VTCN1: variants seen among roughly 807,000 people sequenced by gnomAD.
VTCN1 encodes the protein V-set domain-containing T-cell activation inhibitor 1.
VTCN1 carries 26 observed loss-of-function variants against 26.5 expected under a neutral mutation model. That is an observed-to-expected ratio of 0.98 (90% confidence interval 0.72 to 1.36). VTCN1 has a LOEUF of 1.36. VTCN1 is among the 40% of genes most tolerant of loss of function. The pLI, the probability that VTCN1 is intolerant of heterozygous loss-of-function variation, is 0.00. For missense variants in VTCN1, 298 were observed against 337.7 expected, an observed-to-expected ratio of 0.88 and a Z score of 0.92; for synonymous variants, 116 against 130.7, an observed-to-expected ratio of 0.89 and a Z score of 0.77.
intron 1 of VTCN1, among the ~76,000 whole-genome samples, chr1:117,199,918 G>A (rs1648711622): frequency 6.6e-6 from 1 of 152,232 alleles, no homozygotes; most frequent in African/African-American, 2.4e-5. Context: ...ACAGGTTTGA[G>A]CCACCACGCC....
intron 1 of VTCN1, among the ~76,000 whole-genome samples, chr1:117,184,944 C>G (rs1199840831): frequency 6.6e-6 from 1 of 152,166 alleles, no homozygotes; most frequent in Non-Finnish European, 1.5e-5. Context: ...AGCCAGTTTT[C>G]CCTTAGTCTA....
intron 1 of VTCN1, among the ~76,000 whole-genome samples, chr1:117,190,518 C>T (rs1047804266): frequency 6.6e-6 from 1 of 152,238 alleles, no homozygotes; most frequent in Non-Finnish European, 1.5e-5. Context: ...GCCATACACA[C>T]ACCTGATAAC....
intron 1 of VTCN1, among the ~76,000 whole-genome samples, chr1:117,208,273 A>G (rs1026824368): frequency 6.6e-6 from 1 of 152,126 alleles, no homozygotes; most frequent in African/African-American, 2.4e-5. Context: ...ATTTGATTTA[A>G]TTCTGTTTCC....
intron 2 of VTCN1, among the ~76,000 whole-genome samples, chr1:117,163,831 T>C (rs1652484899): frequency 6.6e-6 from 1 of 152,106 alleles, no homozygotes; most frequent in East Asian, 1.9e-4. Flanking sequence ...ACAAAATAAG[T>C]GTAAGAAAGG....
chr1:117,194,018 T>A (rs1253338385), intron 1 of VTCN1, among the ~76,000 whole-genome samples: 3 of 152,052 alleles, frequency 2.0e-5, no homozygotes, highest in Admixed American at 6.6e-5. Flanking sequence ...AATAAATAAG[T>A]GGAATACTTC....
chr1:117,157,042 G>T (rs764504758), intron 2 of VTCN1, 121 bp from the exon 3 acceptor site: 1 of 1,575,922 alleles, frequency 6.3e-7, no homozygotes, highest in Non-Finnish European at 8.6e-7. Context: ...AGAAGAACAT[G>T]AGAGGCAATA....
At chr1:117,180,589 C>G (rs953500863) in intron 1 of VTCN1, among the ~76,000 whole-genome samples, 12 of 152,236 alleles carry the variant, frequency 7.9e-5, no homozygotes, top group African/African-American at 2.9e-4. Context: ...ATCCCATAAG[C>G]AGTCTCTGCC....
intron 1 of VTCN1, among the ~76,000 whole-genome samples, chr1:117,195,357 C>T (rs185658792): frequency 1.3e-5 from 2 of 151,712 alleles, no homozygotes; most frequent in East Asian, 1.9e-4. Context: ...GTCTTCACTG[C>T]AAACACACAC....
chr1:117,164,434 A>G (rs1325962573), intron 2 of VTCN1, among the ~76,000 whole-genome samples: 3 of 152,190 alleles, frequency 2.0e-5, no homozygotes, highest in Admixed American at 2.0e-4. Flanking sequence ...AGGAGGCAGC[A>G]TCCTGTGGCT....
intron 1 of VTCN1, among the ~76,000 whole-genome samples, chr1:117,206,900 C>T (rs1436175979): frequency 6.6e-6 from 1 of 152,144 alleles, no homozygotes; most frequent in Non-Finnish European, 1.5e-5. Flanking sequence ...CAATTTATCT[C>T]ATTTTGCAGA....
In VTCN1 at chr1:117,175,352, GAT is replaced by G. The variant is rs1157158371; in HGVS notation, c.33-5183_33-5182del. ...CTTCAGGGGATATAAAAAATGCACA[GAT>G]ATAATAAAATAAACACTCCCGCTGC... On this transcript the variant is annotated intron_variant, in intron 1 of 5. Coordinates refer to ENST00000369458, the MANE Select transcript of VTCN1 (RefSeq NM_024626.4). The surrounding 1 kb of genome is among the most constrained non-coding windows in gnomAD (Gnocchi z 4.2). Among the ~76,000 whole-genome samples, 2 of 152,178 alleles carry G rather than the reference GAT, an allele frequency of 1.3e-5. No homozygotes were observed. The highest frequency in any genetic ancestry group is 2.9e-5 in the Non-Finnish European group (2 of 68,032).
At chr1:117,180,123 C>A (rs190330444) in intron 1 of VTCN1, among the ~76,000 whole-genome samples, 5 of 152,230 alleles carry the variant, frequency 3.3e-5, no homozygotes, top group African/African-American at 9.6e-5. Flanking sequence ...TTCTCTCCCC[C>A]CCAGGAAGTG....
Position 117,147,526 on chromosome 1 carries a change from T to G in VTCN1, c.*45+87A>C, listed in dbSNP as rs1651569992. On this transcript the variant is annotated intron_variant, in intron 5 of 5. Transcript: ENST00000369458. The surrounding 1 kb of genome is among the most constrained non-coding windows in gnomAD (Gnocchi z 4.6). Reference sequence around the variant, plus strand: ...TGGTGTCATTAAATGTTTCTTTCTGTGGCTGATGCTGAAGGCTATCCGACT... The same window carrying G: ...TGGTGTCATTAAATGTTTCTTTCTGGGGCTGATGCTGAAGGCTATCCGACT... 1 of 1,109,004 alleles carries G rather than the reference T, an allele frequency of 9.0e-7. No individual in the cohort carries two copies. Among genetic ancestry groups the G allele is most frequent in the South Asian group, 1.7e-5 (1 of 60,458 alleles). 68.7% of individuals were successfully genotyped at this position (1,109,004 alleles called of 1,614,324 possible). A position where few individuals can be genotyped will look rare whatever the true frequency, so the allele number is the denominator to read the frequency against.
intron 1 of VTCN1, among the ~76,000 whole-genome samples, chr1:117,198,201 C>G (rs149794286): frequency 1.6e-4 from 25 of 152,320 alleles, no homozygotes; most frequent in African/African-American, 6.0e-4. Context: ...TATTTCTACT[C>G]ACATCTAACA....
intron 1 of VTCN1, among the ~76,000 whole-genome samples, chr1:117,201,434 TG>T (rs1424108033): frequency 6.6e-6 from 1 of 152,154 alleles, no homozygotes; most frequent in African/African-American, 2.4e-5. Flanking sequence ...CAGGGCTCTG[TG>T]GGGGAATCCC....
chr1:117,207,855 T>C (rs546397782), intron 1 of VTCN1, among the ~76,000 whole-genome samples: 2 of 152,314 alleles, frequency 1.3e-5, no homozygotes, highest in African/African-American at 4.8e-5. Context: ...GTCCAGTGTT[T>C]CCTGAATCCA....
chr1:117,160,731 T>G (rs1652324491), intron 2 of VTCN1, among the ~76,000 whole-genome samples: 1 of 152,260 alleles, frequency 6.6e-6, no homozygotes, highest in Non-Finnish European at 1.5e-5. Context: ...TTGTTGTTGT[T>G]GTTGTTGTTG....
At chr1:117,152,284 A>G (rs1213123384) in intron 4 of VTCN1, among the ~76,000 whole-genome samples, 2 of 152,198 alleles carry the variant, frequency 1.3e-5, no homozygotes, top group African/African-American at 2.4e-5. Context: ...AGATTCGGCA[A>G]ACATTTATAG....
intron 1 of VTCN1, among the ~76,000 whole-genome samples, chr1:117,176,975 C>T (rs1000379687): frequency 2.6e-5 from 4 of 151,982 alleles, no homozygotes; most frequent in Non-Finnish European, 4.4e-5. Flanking sequence ...GGTGTGCATG[C>T]GTAGTCCCAG....
Sources: allele counts gnomAD v4.1 joint callset (sites outside exome capture counted in the v4.1 genomes callset), GRCh38; gene constraint gnomAD v4.1.1; non-coding constraint Gnocchi (gnomAD v3.1); transcripts MANE v1.5; gene names NCBI Gene and HGNC (gene_info 2026-07-23, HGNC 2026-07-21).